PCNX2: variants seen among roughly 807,000 people sequenced by gnomAD.
PCNX2 encodes the protein pecanex 2.
In PCNX2, 168 loss-of-function variants were observed where a neutral mutation model predicts 223.8. The ratio of observed to expected loss-of-function variants is 0.75; its 90% CI spans 0.66 to 0.85. PCNX2 has a LOEUF of 0.85. Among genes scored for constraint, PCNX2 ranks in the 40% least tolerant of loss-of-function variants. The pLI, the probability that PCNX2 is intolerant of heterozygous loss-of-function variation, is 0.00. For synonymous variants in PCNX2, 1,006 were observed against 1,052.6 expected (o/e 0.96, Z 0.86); for missense variants, 2,507 against 2,675.5 (o/e 0.94, Z 1.39).
intron 21 of PCNX2, among the ~76,000 whole-genome samples, chr1:233,114,738 C>T (rs1675310851): frequency 6.6e-6 from 1 of 152,130 alleles, no homozygotes; most frequent in Non-Finnish European, 1.5e-5. Flanking sequence ...AGATTAGCTT[C>T]TGTGGGGCAA....
chr1:233,212,095 G>A (rs942108675), intron 12 of PCNX2, among the ~76,000 whole-genome samples: 17 of 152,236 alleles, frequency 1.1e-4, no homozygotes, highest in East Asian at 1.9e-4. Flanking sequence ...TGATGATTTC[G>A]TTTTTACTTT....
chr1:233,158,856 G>A (rs545106669), intron 19 of PCNX2, among the ~76,000 whole-genome samples: 1 of 152,168 alleles, frequency 6.6e-6, no homozygotes, highest in East Asian at 1.9e-4. Flanking sequence ...GGCTGCAGAA[G>A]TTCTATAGAA....
intron 25 of PCNX2, among the ~76,000 whole-genome samples, chr1:233,051,171 A>C (rs929840649): frequency 6.6e-6 from 1 of 152,168 alleles, no homozygotes; most frequent in Non-Finnish European, 1.5e-5. Context: ...AAAGTAAACA[A>C]AAAACACAAA....
At chr1:233,289,207 A>G (rs2103027381) in intron 1 of PCNX2, 2 of 853,682 alleles carry the variant, frequency 2.3e-6, no homozygotes, top group South Asian at 2.6e-5. Context: ...TCCAATTCAC[A>G]TACTAGCCGG....
chr1:233,004,857 C>A (rs778842688), intron 28 of PCNX2, among the ~76,000 whole-genome samples: 2 of 152,152 alleles, frequency 1.3e-5, no homozygotes, highest in African/African-American at 2.4e-5. Flanking sequence ...ACAGGAACAG[C>A]CAGGGGCTGG....
At chr1:233,022,205 T>C (rs528343407) in intron 26 of PCNX2, among the ~76,000 whole-genome samples, 7 of 152,100 alleles carry the variant, frequency 4.6e-5, no homozygotes, top group Non-Finnish European at 7.4e-5. Context: ...TTGACTGAAT[T>C]AGGATCTCTT....
intron 9 of PCNX2, among the ~76,000 whole-genome samples, chr1:233,232,118 C>CTATT (rs1658098196): frequency 2.6e-5 from 4 of 152,156 alleles, no homozygotes; most frequent in Admixed American, 6.5e-5. Flanking sequence ...TAGAATTATC[C>CTATT]TATTATAACA....
chr1:233,154,563 T>C (rs1571982060), intron 19 of PCNX2, among the ~76,000 whole-genome samples: 2 of 152,200 alleles, frequency 1.3e-5, no homozygotes, highest in Non-Finnish European at 2.9e-5. Context: ...TTACAAAGCA[T>C]TAATCATTAA....
At chr1:233,168,826 C>A (rs1678957431) in intron 17 of PCNX2, among the ~76,000 whole-genome samples, 1 of 151,932 alleles carries the variant, frequency 6.6e-6, no homozygotes. Context: ...CAAATGATGT[C>A]TAAGAGATTT....
chr1:233,093,137 A>T (rs1673974036), intron 22 of PCNX2, among the ~76,000 whole-genome samples: 1 of 152,248 alleles, frequency 6.6e-6, no homozygotes, highest in African/African-American at 2.4e-5. Context: ...AAAAATCATT[A>T]GAAGCGCAGA....
chr1:233,014,972 T>A (rs1670599695), intron 27 of PCNX2, among the ~76,000 whole-genome samples, 195 bp from the exon 28 acceptor site: 1 of 151,814 alleles, frequency 6.6e-6, no homozygotes, highest in Admixed American at 6.6e-5. Context: ...GAAAAAAAAA[T>A]AAAAGTGGAA....
chr1:233,216,853 T>C (rs1656963501), intron 12 of PCNX2, among the ~76,000 whole-genome samples: 1 of 152,096 alleles, frequency 6.6e-6, no homozygotes, highest in Non-Finnish European at 1.5e-5. Context: ...GGTATATATA[T>C]ATATAATAGG....
chr1:233,240,269 T>C (rs1018937606), intron 8 of PCNX2, among the ~76,000 whole-genome samples: 1 of 152,210 alleles, frequency 6.6e-6, no homozygotes, highest in African/African-American at 2.4e-5. Context: ...AGCGCAATCT[T>C]TGAATAATTC....
chr1:233,113,473 C>T (rs1571890541), intron 21 of PCNX2, among the ~76,000 whole-genome samples: 1 of 152,234 alleles, frequency 6.6e-6, no homozygotes. Context: ...CACCCAACCC[C>T]TGCATCCAAG....
chr1:233,126,103 A>G lies in PCNX2; in HGVS notation c.3837+8910T>C, dbSNP rs1026204305. On this transcript the variant is annotated intron_variant, in intron 21 of 33. Coordinates refer to ENST00000258229, the MANE Select transcript of PCNX2 (RefSeq NM_014801.4). The surrounding 1 kb of genome is among the most constrained non-coding windows in gnomAD (Gnocchi z 4.8). ...CGTGCACCTGTAATCCCAGCTACCC[A>G]TGAGGCTGAGACAGGAGAATCGCTG... 3.3e-5 allele frequency: 5 copies of G among 152,146 alleles called. No individual in the cohort carries two copies. Among genetic ancestry groups the G allele is most frequent in the East Asian group, 1.9e-4 (1 of 5,190 alleles). 9.4% of individuals were successfully genotyped at this position (152,146 alleles called of 1,614,324 possible). A position where few individuals can be genotyped will look rare whatever the true frequency, so the allele number is the denominator to read the frequency against.
At chr1:233,069,032 T>C (rs1209597489) in intron 23 of PCNX2, among the ~76,000 whole-genome samples, 1 of 152,080 alleles carries the variant, frequency 6.6e-6, no homozygotes, top group African/African-American at 2.4e-5. Flanking sequence ...ATATATACTA[T>C]GCAAACATTA....
intron 23 of PCNX2, among the ~76,000 whole-genome samples, chr1:233,062,437 ATTTC>A (rs1027459162): frequency 6.6e-6 from 1 of 152,116 alleles, no homozygotes; most frequent in African/African-American, 2.4e-5. Context: ...TTTAAATAAA[ATTTC>A]TTTTTTTCCA....
intron 15 of PCNX2, among the ~76,000 whole-genome samples, chr1:233,184,819 C>T (rs190660577): frequency 6.6e-5 from 10 of 152,104 alleles, no homozygotes; most frequent in African/African-American, 1.4e-4. Context: ...GTTATGCCAG[C>T]GGGGCACACT....
intron 26 of PCNX2, among the ~76,000 whole-genome samples, chr1:233,023,236 G>A (rs569511268): frequency 6.6e-6 from 1 of 152,326 alleles, no homozygotes; most frequent in African/African-American, 2.4e-5. Context: ...GGAGATAACA[G>A]AGATGGCTAG....
Sources: allele counts gnomAD v4.1 joint callset (sites outside exome capture counted in the v4.1 genomes callset), GRCh38; gene constraint gnomAD v4.1.1; non-coding constraint Gnocchi (gnomAD v3.1); transcripts MANE v1.5; gene names NCBI Gene and HGNC (gene_info 2026-07-23, HGNC 2026-07-21).